The following ZNF664 variants were observed in gnomAD, a reference collection of about 807,000 sequenced individuals.
ZNF664 encodes the protein zinc finger Organ of Corti 1.
ZNF664 carries 10 observed loss-of-function variants against 18.2 expected under a neutral mutation model. That is an observed-to-expected ratio of 0.55 (90% CI 0.34 to 0.93). The LOEUF is 0.93. ZNF664 is among the 40% of genes least tolerant of loss of function. The pLI, the probability that ZNF664 is intolerant of heterozygous loss-of-function variation, is 0.02. For synonymous variants in ZNF664, 119 were observed against 104.2 expected (o/e 1.14, Z -0.86); for missense variants, 193 against 319.0 (o/e 0.61, Z 3.01).
chr12:123,973,756 C>A, intron 1 of ZNF664, 130 bp from the exon 2 acceptor site: 1 of 1,223,650 alleles, frequency 8.2e-7, no homozygotes, highest in Non-Finnish European at 1.0e-6. Context: ...CCGCCCTCGT[C>A]GCCCGTGGAG....
intron 3 of ZNF664, among the ~76,000 whole-genome samples, chr12:124,007,574 G>A (rs991435937): frequency 2.6e-5 from 4 of 152,192 alleles, no homozygotes; most frequent in African/African-American, 7.2e-5. Flanking sequence ...GATTGACTGG[G>A]GAAATGAGAG....
chr12:124,000,389 C>G (rs1182476082), intron 3 of ZNF664, among the ~76,000 whole-genome samples: 4 of 152,216 alleles, frequency 2.6e-5, no homozygotes, highest in Admixed American at 6.5e-5. Flanking sequence ...GAGGCCCGTC[C>G]TTCTCCTCTC....
rs1248760860 is a variant in ZNF664 at position 124,012,105 on chromosome 12, G to A, written c.-40G>A. 4 of 1,567,208 alleles carry A rather than the reference G, an allele frequency of 2.6e-6. No individual in the cohort carries two copies. The Admixed American group carries it at 8.0e-5, about 31-fold the overall frequency. On this transcript the variant is annotated 5_prime_UTR_variant, in exon 5 of 5. Coordinates refer to ENST00000337815, the MANE Select transcript of ZNF664 (RefSeq NM_152437.3). ...AGTCTTGTAACTGTAGTAATCATAA[G>A]GAAATTTTCTCCTTGAAATCACGAT...
Position 123,980,037 on chromosome 12 carries a change from G to C in ZNF664, c.-757+6017G>C, listed in dbSNP as rs189555240. ...TTGTATGTACTGACATAGCCTGTATGGATGTCTAGAATATACTGTTGAGCC... is the reference window on the plus strand; with the variant it reads ...TTGTATGTACTGACATAGCCTGTATCGATGTCTAGAATATACTGTTGAGCC... On this transcript the variant is annotated intron_variant, in intron 2 of 4. Transcript: ENST00000337815. 3.6e-3 allele frequency among the ~76,000 whole-genome samples: 542 copies of C among 152,214 alleles called. 4 individuals carry two copies. The highest frequency in any genetic ancestry group is 3.8e-3 in the Non-Finnish European group (258 of 68,012).
rs141507436 is a variant in ZNF664, at chr12:124,005,843, G to C, written c.-660-5538G>C. The C allele has an allele frequency of 4.2e-3, 637 of 152,718 alleles. 4 individuals carry two copies. Among genetic ancestry groups the C allele is most frequent in the Middle Eastern group, 0.017 (5 of 296 alleles). The allele number at this position is 152,718 out of a possible 1,614,324, so 9.5% of individuals were successfully genotyped here. On this transcript the variant is annotated intron_variant, in intron 3 of 4. Transcript: ENST00000337815. ...GCTCTGCACCAGTGTGCCCTTCTGC[G>C]TACTCTTTTCTTCACCAGCCTGGCA...
chr12:123,977,416 A>G (rs903917402), intron 2 of ZNF664, among the ~76,000 whole-genome samples: 1 of 145,424 alleles, frequency 6.9e-6, no homozygotes, highest in African/African-American at 2.6e-5. Context: ...TATAAAATTA[A>G]TAGCTTTCTG....
At chr12:123,973,792 G>A in intron 1 of ZNF664, 94 bp from the exon 2 acceptor site, 2 of 1,205,454 alleles carry the variant, frequency 1.7e-6, no homozygotes, top group Non-Finnish European at 2.1e-6. Context: ...CTTCCAGGCG[G>A]GTCCCGGGAG....
intron 3 of ZNF664, among the ~76,000 whole-genome samples, chr12:124,001,730 C>A (rs1010936508): frequency 7.2e-5 from 11 of 152,190 alleles, no homozygotes. Flanking sequence ...TCTTTGTGGA[C>A]ACCTTGATGA....
chr12:123,998,693 A>G (rs377583818), intron 3 of ZNF664: 3 of 152,472 alleles, frequency 2.0e-5, no homozygotes, highest in African/African-American at 7.2e-5. Flanking sequence ...AACATGCTAG[A>G]ACCATCGCCT....
At chr12:123,991,802 A>ACCCTGATAACACATG (rs1265816230) in intron 3 of ZNF664, among the ~76,000 whole-genome samples, 2 of 152,148 alleles carry the variant, frequency 1.3e-5, no homozygotes, top group Non-Finnish European at 2.9e-5. Flanking sequence ...ATCCTTGATC[A>ACCCTGATAACACATG]CCCTGATAAC....
At chr12:124,006,467 C>T (rs1159337166) in intron 3 of ZNF664, among the ~76,000 whole-genome samples, 3 of 152,218 alleles carry the variant, frequency 2.0e-5, no homozygotes, top group Admixed American at 6.5e-5. Flanking sequence ...ACCCAGAGCA[C>T]GTGTTCTCTC....
rs908797676 is a variant in ZNF664 at position 124,013,817 on chromosome 12, A to T, written c.*887A>T. 1 of 167,106 alleles carries T rather than the reference A, an allele frequency of 6.0e-6. No individual in the cohort carries two copies. The highest frequency in any genetic ancestry group is 2.4e-5 in the African/African-American group (1 of 41,454). The allele number at this position is 167,106 out of a possible 1,614,324, so 10.4% of individuals were successfully genotyped here. ...GCTAGGGAGACCTTATGAGAAGTGG[A>T]TGGTAGGAGGAGTCACTAATGTTTC... is the stretch of plus-strand genomic sequence containing the variant. On this transcript the variant is annotated 3_prime_UTR_variant, in exon 5 of 5. Transcript: ENST00000337815.
At chr12:123,975,719 A>G (rs539537644) in intron 2 of ZNF664, among the ~76,000 whole-genome samples, 1 of 152,218 alleles carries the variant, frequency 6.6e-6, no homozygotes. Flanking sequence ...CCCAGCCCCT[A>G]GTGGTTTTAC....
At position 123,999,219 on chromosome 12, in the gene ZNF664, G is replaced by A. The variant is rs1185208610; in HGVS notation, c.-661+11081G>A. Among the ~76,000 whole-genome samples the A allele has an allele frequency of 6.6e-5, 10 of 152,286 alleles. No homozygotes were observed. The South Asian group carries it at 1.7e-3, about 25-fold the overall frequency. ...TTGCAGTTGGTAGTGGTTATTTTTGGTAGGGATTGGAGGCCGACATGTCAT... is the reference window on the plus strand; with the variant it reads ...TTGCAGTTGGTAGTGGTTATTTTTGATAGGGATTGGAGGCCGACATGTCAT... On this transcript the variant is annotated intron_variant, in intron 3 of 4. Coordinates refer to ENST00000337815, the MANE Select transcript of ZNF664 (RefSeq NM_152437.3).
At chr12:123,987,300 G>A (rs1483555580) in intron 2 of ZNF664, among the ~76,000 whole-genome samples, 2 of 152,120 alleles carry the variant, frequency 1.3e-5, no homozygotes, top group African/African-American at 2.4e-5. Context: ...AACTCCCAGG[G>A]GAAAGTGAAG....
intron 3 of ZNF664, among the ~76,000 whole-genome samples, chr12:124,001,068 C>T (rs991339102): frequency 1.3e-5 from 2 of 152,196 alleles, no homozygotes; most frequent in Non-Finnish European, 2.9e-5. Flanking sequence ...TTCTGTCTTA[C>T]TGAATGGCTC....
At chr12:123,974,195 C>T in intron 2 of ZNF664, 175 bp downstream of exon 2, 1 of 426,466 alleles carries the variant, frequency 2.3e-6, no homozygotes, top group Non-Finnish European at 4.0e-6. Flanking sequence ...CATCACCTCT[C>T]ATTTCCCCCA....
rs1555272969 is a variant in ZNF664, at chr12:124,005,524, T to TGAGA, written c.-660-5854_-660-5851dup. Among the ~76,000 whole-genome samples, 157 of 147,358 alleles carry TGAGA rather than the reference T, an allele frequency of 1.1e-3. 1 individual carries two copies. Among genetic ancestry groups the TGAGA allele is most frequent in the East Asian group, 6.2e-3 (31 of 5,038 alleles). ...GTGTGTGTGTGTGTGTGTGTGTGTG[T>TGAGA]GAGAGATAGGCCAGCATGTCTGTAT... On this transcript the variant is annotated intron_variant, in intron 3 of 4. Coordinates refer to ENST00000337815, the MANE Select transcript of ZNF664 (RefSeq NM_152437.3).
intron 3 of ZNF664, among the ~76,000 whole-genome samples, chr12:123,996,642 G>C (rs1383094514): frequency 2.0e-5 from 3 of 152,130 alleles, no homozygotes; most frequent in African/African-American, 7.2e-5. Context: ...GCAGGAATGG[G>C]GAAAAGTGTT....
Sources: allele counts gnomAD v4.1 joint callset (sites outside exome capture counted in the v4.1 genomes callset), GRCh38; gene constraint gnomAD v4.1.1; transcripts MANE v1.5; gene names NCBI Gene and HGNC (gene_info 2026-07-23, HGNC 2026-07-21).